Variants in KIRREL3 observed in about 807,000 individuals in gnomAD.
KIRREL3 encodes kirre like nephrin family adhesion molecule 3, also known as kin of IRRE-like protein 3.
KIRREL3 carries 36 observed loss-of-function variants against 89.7 expected under a neutral mutation model. The ratio of observed to expected loss-of-function variants is 0.40; its 90% CI spans 0.31 to 0.53. The LOEUF is 0.53. Among genes scored for constraint, KIRREL3 ranks in the 20% least tolerant of loss-of-function variants. The pLI, the probability that KIRREL3 is intolerant of heterozygous loss-of-function variation, is 0.49. For missense variants in KIRREL3, 864 were observed against 1,056.6 expected, an observed-to-expected ratio of 0.82 and a Z score of 2.53; for synonymous variants, 445 against 441.4, an observed-to-expected ratio of 1.01 and a Z score of -0.10.
chr11:126,669,094 G>A lies in KIRREL3; in HGVS notation c.56-106182C>T, dbSNP rs916621024. Among the ~76,000 whole-genome samples the A allele has an allele frequency of 4.6e-5, 7 of 152,024 alleles. No homozygotes were observed. The highest frequency in any genetic ancestry group is 1.7e-4 in the African/African-American group (7 of 41,362). On this transcript the variant is annotated intron_variant, in intron 1 of 16. Coordinates refer to ENST00000525144, the MANE Select transcript of KIRREL3 (RefSeq NM_032531.4). This position sits in a 1 kb window ranked among gnomAD's most constrained non-coding sequence, Gnocchi z 5.0. ...CTTTGCAAGTATGGAGCTAATCAAAGGATTTCTGGCTCCCAACTTGTCTGC... is the reference window on the plus strand; with the variant it reads ...CTTTGCAAGTATGGAGCTAATCAAAAGATTTCTGGCTCCCAACTTGTCTGC...
Position 126,867,664 on chromosome 11 carries a change from T to C in KIRREL3, c.55+132791A>G. On this transcript the variant is annotated intron_variant, in intron 1 of 16. Coordinates refer to ENST00000525144, the MANE Select transcript of KIRREL3 (RefSeq NM_032531.4). This position sits in a 1 kb window ranked among gnomAD's most constrained non-coding sequence, Gnocchi z 4.7. ...AGGATGTGCTGGTAATATTTCCAGGTGAAAGAAATGAAGGCACAGCCTCTC... is the reference window on the plus strand; with the variant it reads ...AGGATGTGCTGGTAATATTTCCAGGCGAAAGAAATGAAGGCACAGCCTCTC... Among the ~76,000 whole-genome samples, 1 of 152,142 alleles carries C rather than the reference T, an allele frequency of 6.6e-6. No individual in the cohort carries two copies. Among genetic ancestry groups the C allele is most frequent in the East Asian group, 1.9e-4 (1 of 5,194 alleles).
At chr11:126,775,204 G>T in intron 1 of KIRREL3, among the ~76,000 whole-genome samples, 1 of 152,118 alleles carries the variant, frequency 6.6e-6, no homozygotes, top group East Asian at 1.9e-4. Flanking sequence ...AGCCATGGGA[G>T]GCAACATGAG....
chr11:126,624,409 T>G lies in KIRREL3; in HGVS notation c.56-61497A>C, dbSNP rs537423927. Among the ~76,000 whole-genome samples, 4 of 152,142 alleles carry G rather than the reference T, an allele frequency of 2.6e-5. No individual in the cohort carries two copies. Among genetic ancestry groups the G allele is most frequent in the Non-Finnish European group, 5.9e-5 (4 of 68,032 alleles). ...AAGCATGAATCACTTACACCAGAGA[T>G]GAGAAAAGCACCATCAGGTGCTTAA... On this transcript the variant is annotated intron_variant, in intron 1 of 16. Transcript: ENST00000525144. The surrounding 1 kb of genome is among the most constrained non-coding windows in gnomAD (Gnocchi z 6.0).
chr11:126,828,521 G>C (rs1448735338), intron 1 of KIRREL3, among the ~76,000 whole-genome samples: 9 of 152,156 alleles, frequency 5.9e-5, no homozygotes. Context: ...TAATGTGATT[G>C]GTAAACAGCA....
At chr11:126,650,864 G>A (rs764672411) in intron 1 of KIRREL3, among the ~76,000 whole-genome samples, 2 of 152,136 alleles carry the variant, frequency 1.3e-5, no homozygotes, top group African/African-American at 4.8e-5. Flanking sequence ...AGACTGGGAA[G>A]AAAAAGAGGT....
intron 1 of KIRREL3, among the ~76,000 whole-genome samples, chr11:126,632,613 C>G (rs1321738891): frequency 6.6e-6 from 1 of 150,806 alleles, no homozygotes; most frequent in African/African-American, 2.5e-5. Context: ...TTCTTACCTT[C>G]CCCTCTCTCT....
rs1211068211 is a variant in KIRREL3 at position 126,994,346 on chromosome 11, C to A, written c.55+6109G>T. Among the ~76,000 whole-genome samples the A allele has an allele frequency of 6.6e-6, 1 of 152,148 alleles. No individual in the cohort carries two copies. ...TTTCCAAGGAGAAGAAGGATGACTT[C>A]CTCTTTCCACCCTTCATGCCCCAAC... On this transcript the variant is annotated intron_variant, in intron 1 of 16. Transcript: ENST00000525144. The surrounding 1 kb of genome is among the most constrained non-coding windows in gnomAD (Gnocchi z 5.2).
At chr11:126,958,984 A>G (rs191217351) in intron 1 of KIRREL3, among the ~76,000 whole-genome samples, 60 of 152,204 alleles carry the variant, frequency 3.9e-4, no homozygotes, top group Admixed American at 1.4e-3. Flanking sequence ...GCTTTCCTCA[A>G]TGTGGATGGG....
At position 126,443,928 on chromosome 11, in the gene KIRREL3, G is replaced by A. The variant is rs1242449171; in HGVS notation, c.1252+1051C>T. Among the ~76,000 whole-genome samples, 1 of 152,152 alleles carries A rather than the reference G, an allele frequency of 6.6e-6. No individual in the cohort carries two copies. Among genetic ancestry groups the A allele is most frequent in the Non-Finnish European group, 1.5e-5 (1 of 68,024 alleles). On this transcript the variant is annotated intron_variant, in intron 10 of 16. Transcript: ENST00000525144. The surrounding 1 kb of genome is among the most constrained non-coding windows in gnomAD (Gnocchi z 7.3). ...CAGTGGGCATGACAGAGGTGAGGGGGGAGCATTCGGAAACGGCAGAGGAAT... is the reference window on the plus strand; with the variant it reads ...CAGTGGGCATGACAGAGGTGAGGGGAGAGCATTCGGAAACGGCAGAGGAAT...
chr11:126,545,307 A>T (rs1938726007), intron 2 of KIRREL3, among the ~76,000 whole-genome samples: 1 of 152,178 alleles, frequency 6.6e-6, no homozygotes, highest in South Asian at 2.1e-4. Flanking sequence ...TTGAGCTGGC[A>T]CCAAGGGGAG....
chr11:126,778,304 C>T lies in KIRREL3; in HGVS notation c.56-215392G>A, dbSNP rs143099685. On this transcript the variant is annotated intron_variant, in intron 1 of 16. Transcript: ENST00000525144. The surrounding 1 kb of genome is among the most constrained non-coding windows in gnomAD (Gnocchi z 4.5). ...TTTTGGAAACTAGTGCAAGAGGAGG[C>T]CAGGGGATTTGTCTTGAAGTTGTGT... 6.6e-6 allele frequency among the ~76,000 whole-genome samples: 1 copy of T among 152,244 alleles called. No individual in the cohort carries two copies. The highest frequency in any genetic ancestry group is 1.5e-5 in the Non-Finnish European group (1 of 68,026).
At chr11:126,880,694 C>T (rs1351062255) in intron 1 of KIRREL3, among the ~76,000 whole-genome samples, 1 of 149,960 alleles carries the variant, frequency 6.7e-6, no homozygotes, top group African/African-American at 2.5e-5. Context: ...TTACACTTAG[C>T]ATTAAATAAC....
chr11:126,599,593 C>A (rs1248307348), intron 1 of KIRREL3, among the ~76,000 whole-genome samples: 2 of 152,148 alleles, frequency 1.3e-5, no homozygotes, highest in Non-Finnish European at 2.9e-5. Context: ...CAAATGGAAG[C>A]CTCTAGGGGT....
rs2135120521 is a variant in KIRREL3 at position 126,687,221 on chromosome 11, C to T, written c.56-124309G>A. Among the ~76,000 whole-genome samples the T allele has an allele frequency of 6.6e-6, 1 of 152,274 alleles. No homozygotes were observed. The highest frequency in any genetic ancestry group is 2.4e-5 in the African/African-American group (1 of 41,558). On this transcript the variant is annotated intron_variant, in intron 1 of 16. Transcript: ENST00000525144. The surrounding 1 kb of genome is among the most constrained non-coding windows in gnomAD (Gnocchi z 4.6). ...GCCCTGCCTTGCGCCAGGCAGTGAG[C>T]TAGTCCTTATTTTCACACCTGGCTT...
chr11:126,840,838 G>A (rs1943942082), intron 1 of KIRREL3, among the ~76,000 whole-genome samples: 1 of 152,160 alleles, frequency 6.6e-6, no homozygotes, highest in Non-Finnish European at 1.5e-5. Context: ...CCTAATAATG[G>A]CTCCAAAGAG....
intron 1 of KIRREL3, among the ~76,000 whole-genome samples, chr11:126,832,432 T>A (rs571878430): frequency 6.6e-6 from 1 of 152,278 alleles, no homozygotes; most frequent in Admixed American, 6.5e-5. Context: ...AGGAGACCCC[T>A]GGAAATGCTT....
At chr11:126,567,678 G>A (rs1940614878) in intron 1 of KIRREL3, among the ~76,000 whole-genome samples, 1 of 152,220 alleles carries the variant, frequency 6.6e-6, no homozygotes. Flanking sequence ...ACAAGTGACA[G>A]GAAAGAGGGA....
At chr11:126,726,804 C>T (rs534406304) in intron 1 of KIRREL3, among the ~76,000 whole-genome samples, 1 of 152,340 alleles carries the variant, frequency 6.6e-6, no homozygotes, top group East Asian at 1.9e-4. Flanking sequence ...GCATGCCATG[C>T]GTTCTTGTGC....
chr11:126,564,156 A>T lies in KIRREL3; in HGVS notation c.56-1244T>A, dbSNP rs1472864124. Reference sequence around the variant, plus strand: ...CCTTCCTTTGATTTCTCAGAGAAAGAGGGTCCCAATGAGTGATGCATCACA... The same window carrying T: ...CCTTCCTTTGATTTCTCAGAGAAAGTGGGTCCCAATGAGTGATGCATCACA... On this transcript the variant is annotated intron_variant, in intron 1 of 16. Coordinates refer to ENST00000525144, the MANE Select transcript of KIRREL3 (RefSeq NM_032531.4). This position sits in a 1 kb window ranked among gnomAD's most constrained non-coding sequence, Gnocchi z 7.4. 1.3e-5 allele frequency among the ~76,000 whole-genome samples: 2 copies of T among 152,216 alleles called. No homozygotes were observed. Among genetic ancestry groups the T allele is most frequent in the Admixed American group, 6.5e-5 (1 of 15,288 alleles).
Sources: gnomAD v4.1 joint callset for allele counts (sites outside exome capture counted in the v4.1 genomes callset) on GRCh38, gnomAD v4.1.1 for gene constraint, Gnocchi (gnomAD v3.1) non-coding constraint, MANE v1.5 for transcripts, NCBI Gene and HGNC (gene_info 2026-07-23, HGNC 2026-07-21) for gene names.